EYS: variants seen among roughly 807,000 people sequenced by gnomAD.
EYS encodes protein eyes shut homolog.
In EYS, 250 loss-of-function variants were observed where a neutral mutation model predicts 282.1. The ratio of observed to expected loss-of-function variants is 0.89; its 90% CI spans 0.80 to 0.98. The LOEUF is 0.98. Ranked by LOEUF, EYS falls within the 50% of genes least tolerant of loss-of-function variation. EYS has a pLI of 0.00. For synonymous variants in EYS, 1,355 were observed against 1,282.9 expected (o/e 1.06, Z -1.20); for missense variants, 4,016 against 3,709.0 (o/e 1.08, Z -2.15).
chr6:64,726,829 G>C (rs1020515389), intron 22 of EYS, among the ~76,000 whole-genome samples: 1 of 152,050 alleles, frequency 6.6e-6, no homozygotes, highest in East Asian at 1.9e-4. Flanking sequence ...ATAAGACAGG[G>C]CTCCATAGAA....
At chr6:64,148,789 T>C (rs1774606985) in intron 31 of EYS, among the ~76,000 whole-genome samples, 1 of 152,156 alleles carries the variant, frequency 6.6e-6, no homozygotes, top group Non-Finnish European at 1.5e-5. Context: ...GGATGAGAAA[T>C]GATTGGAAGT....
chr6:64,442,296 A>C (rs1205316419), intron 26 of EYS, among the ~76,000 whole-genome samples: 1 of 152,222 alleles, frequency 6.6e-6, no homozygotes, highest in Non-Finnish European at 1.5e-5. Context: ...TGGCAGAAAA[A>C]ATTTCTAAGC....
intron 8 of EYS, among the ~76,000 whole-genome samples, chr6:65,355,164 C>A (rs1464880669): frequency 3.3e-5 from 5 of 151,994 alleles, no homozygotes; most frequent in African/African-American, 1.2e-4. Context: ...AGAGTCATTT[C>A]TTCACTTAAA....
chr6:63,901,696 C>A (rs569954526), intron 35 of EYS, among the ~76,000 whole-genome samples: 1 of 152,282 alleles, frequency 6.6e-6, no homozygotes, highest in Non-Finnish European at 1.5e-5. Flanking sequence ...ATAATGGAAG[C>A]CAGTCAGCAC....
intron 12 of EYS, among the ~76,000 whole-genome samples, chr6:65,266,499 A>AATGG (rs1159602234): frequency 6.6e-6 from 1 of 151,940 alleles, no homozygotes; most frequent in Non-Finnish European, 1.5e-5. Context: ...TGAATGAATG[A>AATGG]ATGGATGAAT....
intron 13 of EYS, among the ~76,000 whole-genome samples, chr6:65,036,202 CAA>C (rs1471305858): frequency 6.6e-6 from 1 of 151,584 alleles, no homozygotes; most frequent in African/African-American, 2.4e-5. Context: ...TGATTTTCAA[CAA>C]AGTCAAGAAA....
intron 22 of EYS, among the ~76,000 whole-genome samples, chr6:64,703,429 A>ATATATATTTTTTT (rs869208549): frequency 7.3e-4 from 17 of 23,360 alleles, no homozygotes; most frequent in Non-Finnish European, 1.7e-3. Flanking sequence ...ATATATATAT[A>ATATATATTTTTTT]TTTTTTTTTT....
chr6:63,774,736 GAAAAT>G (rs1770021902), intron 40 of EYS, among the ~76,000 whole-genome samples: 1 of 151,456 alleles, frequency 6.6e-6, no homozygotes, highest in Non-Finnish European at 1.5e-5. Context: ...TGTCAATTAA[GAAAAT>G]AAAGGAAAAA....
At chr6:65,042,879 C>A (rs532855501) in intron 13 of EYS, among the ~76,000 whole-genome samples, 2 of 150,746 alleles carry the variant, frequency 1.3e-5, no homozygotes, top group Non-Finnish European at 3.0e-5. Context: ...TATATGTTTA[C>A]GAGATACTTT....
chr6:64,348,616 G>T (rs577362938), intron 29 of EYS, among the ~76,000 whole-genome samples: 59 of 151,562 alleles, frequency 3.9e-4, no homozygotes, highest in African/African-American at 1.4e-3. Flanking sequence ...ACTGACAAAA[G>T]TATTTTCATT....
At chr6:64,372,653 C>T (rs1039843036) in intron 29 of EYS, among the ~76,000 whole-genome samples, 1 of 152,158 alleles carries the variant, frequency 6.6e-6, no homozygotes, top group African/African-American at 2.4e-5. Context: ...AGTTGCTTAG[C>T]TTTTAACCCT....
At chr6:64,916,894 C>A (rs1353196378) in intron 15 of EYS, among the ~76,000 whole-genome samples, 5 of 152,110 alleles carry the variant, frequency 3.3e-5, no homozygotes, top group Non-Finnish European at 5.9e-5. Flanking sequence ...ATCTTAAATG[C>A]TGATTTAAAG....
intron 22 of EYS, among the ~76,000 whole-genome samples, chr6:64,690,766 G>A (rs967509285): frequency 4.6e-5 from 7 of 152,042 alleles, no homozygotes; most frequent in Non-Finnish European, 4.4e-5. Context: ...ACTCATAGGC[G>A]GGAATTGAAT....
chr6:64,619,234 T>C (rs140136493), intron 23 of EYS, among the ~76,000 whole-genome samples: 2,167 of 152,314 alleles, frequency 0.014, 20 homozygotes, highest in Non-Finnish European at 0.023. Flanking sequence ...TATTTCAAAA[T>C]ATAATTTAAG....
At chr6:65,631,104 G>A (rs1766894420) in intron 2 of EYS, among the ~76,000 whole-genome samples, 1 of 152,078 alleles carries the variant, frequency 6.6e-6, no homozygotes, top group African/African-American at 2.4e-5. Flanking sequence ...TAATTCGCAG[G>A]AATAAATTAC....
At chr6:65,419,377 C>A (rs903951237) in intron 5 of EYS, among the ~76,000 whole-genome samples, 2 of 151,648 alleles carry the variant, frequency 1.3e-5, no homozygotes, top group African/African-American at 4.8e-5. Flanking sequence ...GAATTGCAAT[C>A]TAAACATGTA....
At chr6:64,892,652 TTTA>T (rs1442012772) in intron 18 of EYS, among the ~76,000 whole-genome samples, 1 of 152,092 alleles carries the variant, frequency 6.6e-6, no homozygotes, top group African/African-American at 2.4e-5. Flanking sequence ...GCAACATGTC[TTTA>T]TTATGTTATA....
chr6:65,359,660 A>G (rs1764623962), intron 8 of EYS, among the ~76,000 whole-genome samples: 1 of 152,034 alleles, frequency 6.6e-6, no homozygotes, highest in Admixed American at 6.6e-5. Context: ...GCTAGTTTTT[A>G]GAAACCATAC....
At chr6:64,060,955 G>T (rs942312096) in intron 33 of EYS, among the ~76,000 whole-genome samples, 1 of 152,164 alleles carries the variant, frequency 6.6e-6, no homozygotes, top group Admixed American at 6.5e-5. Flanking sequence ...GGCTATTGGA[G>T]ATGTGTTGCT....
Sources: allele counts gnomAD v4.1 joint callset (sites outside exome capture counted in the v4.1 genomes callset), GRCh38; gene constraint gnomAD v4.1.1; transcripts MANE v1.5; gene names NCBI Gene and HGNC (gene_info 2026-07-23, HGNC 2026-07-21).